The following WWOX variants were observed in gnomAD, a reference collection of about 807,000 sequenced individuals.
WWOX encodes the protein WW domain containing oxidoreductase, also known as WW domain-containing oxidoreductase.
In WWOX, 69 loss-of-function variants were observed where a neutral mutation model predicts 46.2. The ratio of observed to expected loss-of-function variants is 1.49; its 90% CI spans 1.23 to 1.82. The LOEUF is 1.82. WWOX is among the 40% of genes most tolerant of loss of function. WWOX has a pLI of 0.00. For missense variants in WWOX, 919 were observed against 542.6 expected (o/e 1.69, Z -6.89); for synonymous variants, 359 against 202.6 (o/e 1.77, Z -6.56).
intron 8 of WWOX, among the ~76,000 whole-genome samples, chr16:78,661,803 G>A (rs1006026393): frequency 5.9e-5 from 9 of 152,314 alleles, no homozygotes; most frequent in African/African-American, 1.2e-4. Flanking sequence ...TTGAGAGGCC[G>A]AGGCCGGTGT....
intron 5 of WWOX, among the ~76,000 whole-genome samples, chr16:78,174,783 C>G (rs533156471): frequency 1.3e-5 from 2 of 152,126 alleles, no homozygotes; most frequent in South Asian, 4.2e-4. Context: ...AGCTCAAAAG[C>G]TGGCGACCAG....
chr16:78,749,196 G>GCCA (rs1424101964), intron 8 of WWOX, among the ~76,000 whole-genome samples: 3 of 152,236 alleles, frequency 2.0e-5, no homozygotes, highest in African/African-American at 7.2e-5. Context: ...TGACCTGTGT[G>GCCA]CCATGCATCA....
chr16:78,770,411 C>G (rs2050035835), intron 8 of WWOX, among the ~76,000 whole-genome samples: 1 of 152,132 alleles, frequency 6.6e-6, no homozygotes, highest in South Asian at 2.1e-4. Context: ...GCAGCCAGTA[C>G]CAATGGGGGA....
chr16:79,201,842 T>G (rs895824730), intron 8 of WWOX, among the ~76,000 whole-genome samples: 2 of 152,194 alleles, frequency 1.3e-5, no homozygotes, highest in Non-Finnish European at 2.9e-5. Context: ...GGCAGCCTGT[T>G]TTATAAGCTC....
intron 8 of WWOX, chr16:79,206,547 A>C (rs1398617815): frequency 6.6e-6 from 1 of 152,202 alleles, no homozygotes; most frequent in African/African-American, 2.4e-5. Flanking sequence ...AGCCTGGCAA[A>C]TCGTAACCTC....
intron 8 of WWOX, among the ~76,000 whole-genome samples, chr16:79,046,326 G>A (rs1455415497): frequency 6.6e-6 from 1 of 152,290 alleles, no homozygotes; most frequent in South Asian, 2.1e-4. Flanking sequence ...AGATGATCAA[G>A]AAAAATTAGT....
chr16:78,105,443 A>G lies in WWOX; in HGVS notation c.108-2980A>G, dbSNP rs573386577. ...CACTGTACTGCAGCCTGGGTGACAGAGTGAGACTCTGTCTCAAAAAAAAAA... is the reference window on the plus strand; with the variant it reads ...CACTGTACTGCAGCCTGGGTGACAGGGTGAGACTCTGTCTCAAAAAAAAAA... On this transcript the variant is annotated intron_variant, in intron 1 of 8. Transcript: ENST00000566780. 4.1e-5 allele frequency among the ~76,000 whole-genome samples: 6 copies of G among 145,548 alleles called. No homozygotes were observed. The East Asian group carries it at 9.9e-4, about 24-fold the overall frequency.
At chr16:78,597,633 C>T (rs758368606) in intron 8 of WWOX, among the ~76,000 whole-genome samples, 2 of 151,884 alleles carry the variant, frequency 1.3e-5, no homozygotes, top group Non-Finnish European at 2.9e-5. Flanking sequence ...GTTTTTTTCT[C>T]GTTCATCTCT....
intron 8 of WWOX, among the ~76,000 whole-genome samples, chr16:79,120,609 C>G (rs1017562130): frequency 6.6e-6 from 1 of 152,188 alleles, no homozygotes; most frequent in Non-Finnish European, 1.5e-5. Flanking sequence ...GAAATTGACA[C>G]TGCTTCTGGG....
At chr16:78,832,610 A>C (rs889431512) in intron 8 of WWOX, among the ~76,000 whole-genome samples, 5 of 152,050 alleles carry the variant, frequency 3.3e-5, no homozygotes, top group Admixed American at 6.6e-5. Flanking sequence ...AGTGTGGGAA[A>C]ATGCGTCCCT....
intron 8 of WWOX, among the ~76,000 whole-genome samples, chr16:78,544,979 C>G (rs867219332): frequency 6.6e-6 from 1 of 152,044 alleles, no homozygotes. Context: ...GAGTTAAAGA[C>G]CAGCCTGGGC....
At chr16:78,406,591 C>T (rs1007364367) in intron 6 of WWOX, among the ~76,000 whole-genome samples, 2 of 150,402 alleles carry the variant, frequency 1.3e-5, no homozygotes, top group Admixed American at 6.7e-5. Flanking sequence ...CCTCGTGATC[C>T]GCCTGCCTTG....
At chr16:78,501,350 G>C (rs1386322050) in intron 8 of WWOX, among the ~76,000 whole-genome samples, 2 of 151,800 alleles carry the variant, frequency 1.3e-5, no homozygotes, top group Non-Finnish European at 2.9e-5. Flanking sequence ...ATTTTCAAGA[G>C]CTTAAGATGA....
intron 8 of WWOX, among the ~76,000 whole-genome samples, chr16:79,139,618 T>C (rs924600124): frequency 1.3e-5 from 2 of 152,226 alleles, no homozygotes; most frequent in Admixed American, 6.5e-5. Flanking sequence ...TTCTTTTCTT[T>C]TTTTAAGGAT....
At chr16:78,403,266 C>T (rs2082454761) in intron 6 of WWOX, among the ~76,000 whole-genome samples, 1 of 152,224 alleles carries the variant, frequency 6.6e-6, no homozygotes, top group African/African-American at 2.4e-5. Context: ...TTAAAGCCCA[C>T]TCCCTGCATT....
chr16:78,634,873 TGC>T (rs1555507731), intron 8 of WWOX, among the ~76,000 whole-genome samples: 3 of 140,748 alleles, frequency 2.1e-5, no homozygotes, highest in South Asian at 2.3e-4. Context: ...TGTGTGTGTG[TGC>T]GCGTGCATGT....
At chr16:79,106,708 C>G (rs2049315638) in intron 8 of WWOX, 1 of 146,086 alleles carries the variant, frequency 6.8e-6, no homozygotes, top group Admixed American at 7.0e-5. Context: ...TCAAGCAACT[C>G]TCCTGCCTCA....
intron 8 of WWOX, among the ~76,000 whole-genome samples, chr16:78,759,227 C>T (rs1235287504): frequency 2.0e-5 from 3 of 152,054 alleles, no homozygotes; most frequent in African/African-American, 7.2e-5. Flanking sequence ...AACTGGGAAC[C>T]CATTTCAGGT....
chr16:78,624,701 C>T (rs930151054), intron 8 of WWOX, among the ~76,000 whole-genome samples: 6 of 152,164 alleles, frequency 3.9e-5, no homozygotes, highest in African/African-American at 1.4e-4. Context: ...TCAAAGTTGC[C>T]TTTCATGAAC....
Sources: gnomAD v4.1 joint callset for allele counts (sites outside exome capture counted in the v4.1 genomes callset) on GRCh38, gnomAD v4.1.1 for gene constraint, MANE v1.5 for transcripts, NCBI Gene and HGNC (gene_info 2026-07-23, HGNC 2026-07-21) for gene names.